Variants in PRKAR1B observed in about 807,000 individuals in gnomAD.
PRKAR1B encodes cAMP-dependent protein kinase type I-beta regulatory subunit.
In PRKAR1B, 22 loss-of-function variants were observed where a neutral mutation model predicts 46.5. That is an observed-to-expected ratio of 0.47 (90% CI 0.34 to 0.68). PRKAR1B has a LOEUF of 0.68. PRKAR1B is among the 30% of genes least tolerant of loss of function. The probability of loss-of-function intolerance (pLI) is 0.01; values close to 1 mark genes in which losing one functional copy is unlikely to be tolerated. For synonymous variants in PRKAR1B, 259 were observed against 217.7 expected (o/e 1.19, Z -1.67); for missense variants, 445 against 535.6 (o/e 0.83, Z 1.67).
chr7:588,074 C>G (rs1562541085), intron 7 of PRKAR1B, among the ~76,000 whole-genome samples: 3 of 152,200 alleles, frequency 2.0e-5, no homozygotes, highest in Admixed American at 1.3e-4. Context: ...TGGCCCTCCC[C>G]ACTCGCTCCC....
At chr7:696,129 T>G (rs375686141) in intron 2 of PRKAR1B, among the ~76,000 whole-genome samples, 1 of 151,290 alleles carries the variant, frequency 6.6e-6, no homozygotes, top group East Asian at 1.9e-4. Context: ...ACCACCAGTA[T>G]GCCTGGCTAA....
At chr7:606,342 G>T (rs183388965) in intron 5 of PRKAR1B, 103 bp from the exon 6 acceptor site, 11 of 954,058 alleles carry the variant, frequency 1.2e-5, no homozygotes, top group Non-Finnish European at 1.5e-5. Flanking sequence ...AGAGACCCTC[G>T]AAGCAACATC....
At chr7:569,841 C>A (rs1163833338) in intron 9 of PRKAR1B, among the ~76,000 whole-genome samples, 11 of 152,204 alleles carry the variant, frequency 7.2e-5, no homozygotes, top group Admixed American at 7.2e-4. Flanking sequence ...GCAGACCCCA[C>A]GGACAGGGCC....
intron 5 of PRKAR1B, among the ~76,000 whole-genome samples, chr7:606,767 C>CGTGCGT (rs1554291780): frequency 6.7e-6 from 1 of 148,280 alleles, no homozygotes; most frequent in African/African-American, 2.5e-5. Flanking sequence ...GAATTTTATG[C>CGTGCGT]GTGTGTGTGT....
chr7:715,869 C>A (rs1562362585), intron 1 of PRKAR1B, among the ~76,000 whole-genome samples: 1 of 152,040 alleles, frequency 6.6e-6, no homozygotes, highest in Non-Finnish European at 1.5e-5. Flanking sequence ...GCGCCCGCCA[C>A]CGCGCCCGGC....
chr7:609,717 T>A (rs2128467080), intron 4 of PRKAR1B, among the ~76,000 whole-genome samples: 1 of 152,332 alleles, frequency 6.6e-6, no homozygotes, highest in East Asian at 1.9e-4. Context: ...GAAGCTTCTT[T>A]GCTCCTTTTA....
chr7:683,224 T>C (rs1778798900), intron 2 of PRKAR1B, among the ~76,000 whole-genome samples: 1 of 151,952 alleles, frequency 6.6e-6, no homozygotes, highest in South Asian at 2.1e-4. Flanking sequence ...GGTCCTGGGG[T>C]CTGACAGATG....
At chr7:617,263 G>A (rs1782876289) in intron 4 of PRKAR1B, among the ~76,000 whole-genome samples, 1 of 150,410 alleles carries the variant, frequency 6.6e-6, no homozygotes. Context: ...AAAGTGCTGG[G>A]ATTACAGGTG....
chr7:637,064 C>A (rs1360918440), intron 4 of PRKAR1B, among the ~76,000 whole-genome samples: 1 of 151,830 alleles, frequency 6.6e-6, no homozygotes, highest in African/African-American at 2.4e-5. Context: ...GGCGGGTGGA[C>A]GGTTTGAGCT....
At chr7:575,360 C>T (rs1226005831) in intron 9 of PRKAR1B, among the ~76,000 whole-genome samples, 1 of 152,208 alleles carries the variant, frequency 6.6e-6, no homozygotes, top group African/African-American at 2.4e-5. Context: ...GCAGGGCTCC[C>T]AGAGGCTGTG....
At chr7:626,655 A>G (rs1291946591) in intron 4 of PRKAR1B, among the ~76,000 whole-genome samples, 1 of 152,160 alleles carries the variant, frequency 6.6e-6, no homozygotes, top group Non-Finnish European at 1.5e-5. Context: ...CTATGAGGAC[A>G]GCTTTAACAC....
intron 9 of PRKAR1B, among the ~76,000 whole-genome samples, chr7:563,686 T>G (rs1778951942): frequency 6.6e-6 from 1 of 152,138 alleles, no homozygotes; most frequent in South Asian, 2.1e-4. Flanking sequence ...TGTGCATACA[T>G]GCATGTCTGT....
intron 6 of PRKAR1B, among the ~76,000 whole-genome samples, chr7:599,028 G>A (rs1322897265): frequency 6.6e-6 from 1 of 152,258 alleles, no homozygotes. Context: ...TGCCGCTGCA[G>A]GCAGGACCCA....
At chr7:727,391 C>A, upstream of PRKAR1B, 1 of 852,780 alleles carries the variant, frequency 1.2e-6, no homozygotes, top group Non-Finnish European at 1.5e-6. Flanking sequence ...GCCCCTCTCA[C>A]AACCCCCGCG....
chr7:574,178 A>C (rs2128438897), intron 9 of PRKAR1B, among the ~76,000 whole-genome samples: 1 of 152,366 alleles, frequency 6.6e-6, no homozygotes, highest in Middle Eastern at 3.4e-3. Context: ...TCTGCAGTGA[A>C]TAATGGGTGA....
chr7:604,579 C>T (rs9770521), intron 6 of PRKAR1B, among the ~76,000 whole-genome samples: 18,883 of 152,196 alleles, frequency 0.12, 1,687 homozygotes, highest in African/African-American at 0.25. Context: ...CACGTGCCCC[C>T]CACGGGGAGG....
At chr7:670,116 C>T (rs1786150737) in intron 4 of PRKAR1B, among the ~76,000 whole-genome samples, 1 of 151,976 alleles carries the variant, frequency 6.6e-6, no homozygotes. Flanking sequence ...GATCCACCCG[C>T]CTCGGCCTCC....
At chr7:654,882 A>G (rs1045667791) in intron 4 of PRKAR1B, among the ~76,000 whole-genome samples, 6 of 152,186 alleles carry the variant, frequency 3.9e-5, no homozygotes, top group Non-Finnish European at 7.4e-5. Flanking sequence ...CACCATCAAC[A>G]TCATTGTTAT....
At chr7:584,395 T>C (rs1377760836) in intron 8 of PRKAR1B, 113 bp downstream of exon 8, 2 of 876,584 alleles carry the variant, frequency 2.3e-6, no homozygotes, top group East Asian at 5.0e-5. Context: ...CAAACCTCCA[T>C]AATACCAACA....
Sources: gnomAD v4.1 joint callset for allele counts (sites outside exome capture counted in the v4.1 genomes callset) on GRCh38, gnomAD v4.1.1 for gene constraint, MANE v1.5 for transcripts, NCBI Gene and HGNC (gene_info 2026-07-23, HGNC 2026-07-21) for gene names.